The following CSMD3 variants were observed in gnomAD, a reference collection of about 807,000 sequenced individuals.
CSMD3 encodes the protein CUB and sushi domain-containing protein 3.
CSMD3 carries 177 observed loss-of-function variants against 435.2 expected under a neutral mutation model. The ratio of observed to expected loss-of-function variants is 0.41; its 90% CI spans 0.36 to 0.46. The LOEUF (loss-of-function observed/expected upper bound fraction) is 0.46, where lower values mean the gene tolerates loss of function less well. CSMD3 is among the 20% of genes least tolerant of loss of function. The pLI, the probability that CSMD3 is intolerant of heterozygous loss-of-function variation, is 0.34. For missense variants in CSMD3, 4,265 were observed against 4,504.6 expected (o/e 0.95, Z 1.52); for synonymous variants, 1,656 against 1,520.5 (o/e 1.09, Z -2.07).
At chr8:112,862,934 C>T (rs2080866389) in intron 10 of CSMD3, among the ~76,000 whole-genome samples, 1 of 152,166 alleles carries the variant, frequency 6.6e-6, no homozygotes, top group African/African-American at 2.4e-5. Context: ...GTCATTCTGT[C>T]AGGAATGTCA....
chr8:113,368,409 C>T (rs187081399), intron 1 of CSMD3, among the ~76,000 whole-genome samples: 1 of 152,232 alleles, frequency 6.6e-6, no homozygotes, highest in Admixed American at 6.5e-5. Context: ...GAACTTTACA[C>T]TTAGCAACAC....
At chr8:112,631,528 C>T (rs1221004965) in intron 22 of CSMD3, among the ~76,000 whole-genome samples, 2 of 151,990 alleles carry the variant, frequency 1.3e-5, no homozygotes, top group African/African-American at 2.4e-5. Flanking sequence ...CTTTGTTTCT[C>T]GTACATTTCT....
At chr8:112,546,111 G>A (rs1054670300) in intron 27 of CSMD3, among the ~76,000 whole-genome samples, 20 of 152,176 alleles carry the variant, frequency 1.3e-4, no homozygotes, top group Non-Finnish European at 2.9e-4. Flanking sequence ...AACGTGCGAC[G>A]ATATTGTCCT....
chr8:112,556,642 T>C, intron 25 of CSMD3, 121 bp downstream of exon 25: 1 of 722,714 alleles, frequency 1.4e-6, no homozygotes, highest in Non-Finnish European at 2.3e-6. Context: ...AGCTATGAGT[T>C]CATTAATTTC....
intron 5 of CSMD3, among the ~76,000 whole-genome samples, chr8:113,057,438 C>A (rs1364423274): frequency 6.6e-6 from 1 of 151,444 alleles, no homozygotes; most frequent in Admixed American, 6.6e-5. Flanking sequence ...CTTTTTCAGT[C>A]AAAAGAATGT....
At chr8:113,235,632 A>C (rs2093139220) in intron 3 of CSMD3, among the ~76,000 whole-genome samples, 1 of 152,110 alleles carries the variant, frequency 6.6e-6, no homozygotes, top group Non-Finnish European at 1.5e-5. Context: ...AGAGCTGGTA[A>C]AGCATTACTT....
chr8:113,325,502 C>A (rs1406244860), intron 1 of CSMD3, among the ~76,000 whole-genome samples: 1 of 152,132 alleles, frequency 6.6e-6, no homozygotes, highest in Non-Finnish European at 1.5e-5. Flanking sequence ...GAGGCCTCCC[C>A]AGCCATGTGA....
intron 4 of CSMD3, among the ~76,000 whole-genome samples, chr8:113,107,879 T>A (rs1213103955): frequency 1.3e-5 from 2 of 152,186 alleles, no homozygotes; most frequent in Non-Finnish European, 2.9e-5. Flanking sequence ...ATCTGTTACT[T>A]AAAACTACTA....
chr8:112,939,455 G>A (rs527933079), intron 9 of CSMD3, among the ~76,000 whole-genome samples: 42 of 152,032 alleles, frequency 2.8e-4, no homozygotes, highest in Admixed American at 2.3e-3. Flanking sequence ...TTTCAGTTTG[G>A]TGCCACCCTT....
At chr8:112,882,144 G>A (rs2130215644) in intron 10 of CSMD3, among the ~76,000 whole-genome samples, 1 of 151,938 alleles carries the variant, frequency 6.6e-6, no homozygotes, top group East Asian at 2.0e-4. Context: ...AGATGTGAAA[G>A]GACAAGAAAA....
chr8:112,512,608 G>T (rs562187308), intron 28 of CSMD3, among the ~76,000 whole-genome samples: 2 of 152,234 alleles, frequency 1.3e-5, no homozygotes, highest in South Asian at 2.1e-4. Flanking sequence ...TAGATCACAG[G>T]TATAATTCTT....
chr8:113,388,934 T>C (rs2094450304), intron 1 of CSMD3, among the ~76,000 whole-genome samples: 1 of 151,636 alleles, frequency 6.6e-6, no homozygotes, highest in Non-Finnish European at 1.5e-5. Context: ...GTAAGAGCGC[T>C]GGAAGTTTTT....
chr8:113,376,558 T>C (rs1341837822), intron 1 of CSMD3: 3 of 638,052 alleles, frequency 4.7e-6, no homozygotes, highest in African/African-American at 1.8e-5. Context: ...GCGTTTGTTG[T>C]CCAAAATAAA....
intron 68 of CSMD3, among the ~76,000 whole-genome samples, chr8:112,233,736 A>G (rs964734359): frequency 1.6e-4 from 25 of 152,236 alleles, no homozygotes; most frequent in Admixed American, 1.6e-3. Flanking sequence ...ACTCTTCAGC[A>G]AAGACTCCTG....
At chr8:113,050,440 T>C (rs2088038355) in intron 5 of CSMD3, among the ~76,000 whole-genome samples, 2 of 152,080 alleles carry the variant, frequency 1.3e-5, no homozygotes, top group African/African-American at 2.4e-5. Context: ...GGTGATCTGA[T>C]TTATAAGCTT....
At chr8:112,388,520 G>A (rs1225699602) in intron 36 of CSMD3, among the ~76,000 whole-genome samples, 1 of 152,132 alleles carries the variant, frequency 6.6e-6, no homozygotes, top group African/African-American at 2.4e-5. Flanking sequence ...TCTGACTTGT[G>A]TAACTTAATG....
At chr8:112,575,487 A>T (rs1181068146) in intron 23 of CSMD3, among the ~76,000 whole-genome samples, 6 of 152,096 alleles carry the variant, frequency 3.9e-5, no homozygotes, top group South Asian at 2.1e-4. Flanking sequence ...TCAAGTTTTT[A>T]AAAAATGTAC....
At chr8:113,317,744 G>C (rs185945413) in intron 1 of CSMD3, among the ~76,000 whole-genome samples, 1 of 151,814 alleles carries the variant, frequency 6.6e-6, no homozygotes, top group Non-Finnish European at 1.5e-5. Context: ...TTTTAATAGC[G>C]CAGTGTTTTT....
At chr8:112,879,155 C>T (rs557533246) in intron 10 of CSMD3, among the ~76,000 whole-genome samples, 15 of 152,160 alleles carry the variant, frequency 9.9e-5, no homozygotes, top group East Asian at 9.7e-4. Context: ...AGAGAAATGT[C>T]GCTGAATTCT....
Sources: gnomAD v4.1 joint callset for allele counts (sites outside exome capture counted in the v4.1 genomes callset) on GRCh38, gnomAD v4.1.1 for gene constraint, MANE v1.5 for transcripts, NCBI Gene and HGNC (gene_info 2026-07-23, HGNC 2026-07-21) for gene names.